The following DNMT3A variants were observed in gnomAD, a reference collection of about 807,000 sequenced individuals.
The protein encoded by DNMT3A is DNA (cytosine-5)-methyltransferase 3A.
A neutral mutation model predicts 117.6 loss-of-function variants in DNMT3A; 267 were observed. That is an observed-to-expected ratio of 2.27 (90% CI 2.05 to 2.51). DNMT3A has a LOEUF of 2.51. DNMT3A is among the 30% of genes most tolerant of loss of function. DNMT3A has a pLI of 0.00. For missense variants in DNMT3A, 1,029 were observed against 1,260.2 expected (o/e 0.82, Z 2.78); for synonymous variants, 432 against 474.8 (o/e 0.91, Z 1.17).
chr2:25,290,279 A>G (rs1242705488), intron 3 of DNMT3A, among the ~76,000 whole-genome samples: 1 of 150,892 alleles, frequency 6.6e-6, no homozygotes, highest in Non-Finnish European at 1.5e-5. Context: ...AGCTGGGACC[A>G]CTGGCATGTG....
At chr2:25,334,075 A>C (rs1004009479) in intron 1 of DNMT3A, among the ~76,000 whole-genome samples, 1 of 152,106 alleles carries the variant, frequency 6.6e-6, no homozygotes, top group Non-Finnish European at 1.5e-5. Flanking sequence ...GCCTTATTCC[A>C]GGGGCAGGGT....
chr2:25,318,192 T>C (rs1187693191), intron 1 of DNMT3A, among the ~76,000 whole-genome samples: 2 of 152,162 alleles, frequency 1.3e-5, no homozygotes, highest in East Asian at 1.9e-4. Context: ...AGTACCAAAA[T>C]GGGGTCAAAA....
Position 25,305,431 on chromosome 2 carries a change from A to G in DNMT3A, c.73-5188T>C, listed in dbSNP as rs2033734298. Among the ~76,000 whole-genome samples, 1 of 152,228 alleles carries G rather than the reference A, an allele frequency of 6.6e-6. No individual in the cohort carries two copies. Among genetic ancestry groups the G allele is most frequent in the African/African-American group, 2.4e-5 (1 of 41,442 alleles). ...TCTCATTCTGATGCGCTGGGCTATG[A>G]CGATAATAATCTCTCACATTTGCAC... On this transcript the variant is annotated intron_variant, in intron 2 of 22. Transcript: ENST00000321117. The surrounding 1 kb of genome is among the most constrained non-coding windows in gnomAD (Gnocchi z 4.1).
intron 3 of DNMT3A, among the ~76,000 whole-genome samples, chr2:25,290,644 T>A (rs2032686428): frequency 6.6e-6 from 1 of 152,148 alleles, no homozygotes; most frequent in Non-Finnish European, 1.5e-5. Context: ...TAAGTGTTGC[T>A]TTACTATAGT....
chr2:25,275,133 G>A (rs764132981), intron 5 of DNMT3A, 46 bp from the exon 6 acceptor site: 13 of 1,513,560 alleles, frequency 8.6e-6, no homozygotes, highest in African/African-American at 2.8e-5. Context: ...GGGCACTGAC[G>A]GACCCACCAA....
chr2:25,241,794 C>T, intron 16 of DNMT3A, 87 bp from the exon 17 acceptor site: 1 of 1,535,362 alleles, frequency 6.5e-7, no homozygotes, highest in Non-Finnish European at 8.8e-7. Flanking sequence ...GCCAACAGGA[C>T]CCATGGGGTC....
intron 15 of DNMT3A, 37 bp from the exon 16 acceptor site, chr2:25,244,019 G>C (rs2289093): frequency 3.9e-6 from 6 of 1,545,522 alleles, no homozygotes; most frequent in Non-Finnish European, 4.4e-6. Flanking sequence ...TGCAGGCCCA[G>C]CGGTGTCCCA....
At chr2:25,277,769 G>C (rs1232764193) in intron 4 of DNMT3A, among the ~76,000 whole-genome samples, 2 of 152,094 alleles carry the variant, frequency 1.3e-5, no homozygotes, top group Non-Finnish European at 2.9e-5. Flanking sequence ...CTGAGACCTG[G>C]GGGGTGGAGT....
chr2:25,321,060 G>A (rs902214108), intron 1 of DNMT3A, among the ~76,000 whole-genome samples: 1 of 152,024 alleles, frequency 6.6e-6, no homozygotes, highest in African/African-American at 2.4e-5. Flanking sequence ...TTGAACCTGG[G>A]AGGCGGAGGT....
chr2:25,329,659 C>G (rs1001374401), intron 1 of DNMT3A, among the ~76,000 whole-genome samples: 1 of 150,028 alleles, frequency 6.7e-6, no homozygotes. Flanking sequence ...GAGTCTCTCA[C>G]AGTCATGCAG....
chr2:25,245,601 T>C (rs146839318), intron 12 of DNMT3A, among the ~76,000 whole-genome samples: 1,554 of 152,310 alleles, frequency 0.01, 11 homozygotes, highest in Middle Eastern at 0.071. Context: ...GGTTCCAGGT[T>C]ACTCAGGAGG....
chr2:25,256,367 G>A (rs964808217), intron 6 of DNMT3A, among the ~76,000 whole-genome samples: 1 of 152,098 alleles, frequency 6.6e-6, no homozygotes, highest in Non-Finnish European at 1.5e-5. Flanking sequence ...TTCCTGGAAG[G>A]TTCCTCCCCT....
chr2:25,317,725 A>T (rs2149433728), intron 1 of DNMT3A, among the ~76,000 whole-genome samples: 1 of 152,240 alleles, frequency 6.6e-6, no homozygotes, highest in East Asian at 1.9e-4. Context: ...AACCAAGGAG[A>T]GGAAGGTTAT....
Position 25,282,255 on chromosome 2 carries a change from A to G in DNMT3A, c.448+186T>C, listed in dbSNP as rs559112942. On this transcript the variant is annotated intron_variant, in intron 4 of 22. Coordinates refer to ENST00000321117, the MANE Select transcript of DNMT3A (RefSeq NM_022552.5). This position sits in a 1 kb window ranked among gnomAD's most constrained non-coding sequence, Gnocchi z 5.2. ...ATTTTTTAAATGTTTAAAACACTCTATGGGCCAAATAAAACATATGCGCAG... is the reference window on the plus strand; with the variant it reads ...ATTTTTTAAATGTTTAAAACACTCTGTGGGCCAAATAAAACATATGCGCAG... 1.3e-5 allele frequency: 18 copies of G among 1,380,974 alleles called. No individual in the cohort carries two copies. The African/African-American group carries it at 1.9e-4, about 15-fold the overall frequency. 85.5% of individuals were successfully genotyped at this position (1,380,974 alleles called of 1,614,324 possible). A position where few individuals can be genotyped will look rare whatever the true frequency, so the allele number is the denominator to read the frequency against.
At chr2:25,321,939 T>C (rs1311997401) in intron 1 of DNMT3A, among the ~76,000 whole-genome samples, 2 of 152,154 alleles carry the variant, frequency 1.3e-5, no homozygotes, top group Non-Finnish European at 2.9e-5. Context: ...GTACTGTCAA[T>C]ATTTAAGGAG....
rs986809842 is a variant in DNMT3A, at chr2:25,281,117, G to A, written c.448+1324C>T. On this transcript the variant is annotated intron_variant, in intron 4 of 22. Transcript: ENST00000321117. The surrounding 1 kb of genome is among the most constrained non-coding windows in gnomAD (Gnocchi z 4.8). ...CTCCCCTCAGGCCCTTCCCACTCTC[G>A]GGAAGTATCAGAATATGTGCAAGAG... Among the ~76,000 whole-genome samples the A allele has an allele frequency of 7.9e-5, 12 of 152,056 alleles. No individual in the cohort carries two copies. The highest frequency in any genetic ancestry group is 2.9e-4 in the African/African-American group (12 of 41,386).
rs1676289253 is a variant in DNMT3A, at chr2:25,257,806, TC to T, written c.640-9555del. On this transcript the variant is annotated intron_variant, in intron 6 of 22. Transcript: ENST00000321117. The surrounding 1 kb of genome is among the most constrained non-coding windows in gnomAD (Gnocchi z 4.8). ...TGGGGCCCAGGAATCTATTAAAACC[TC>T]CCTGGGTAATTCTAATACTAGCCAG... is the stretch of plus-strand genomic sequence containing the variant. Among the ~76,000 whole-genome samples, 1 of 152,136 alleles carries T rather than the reference TC, an allele frequency of 6.6e-6. No individual in the cohort carries two copies. The highest frequency in any genetic ancestry group is 2.4e-5 in the African/African-American group (1 of 41,410).
At chr2:25,280,197 T>A (rs1018660690) in intron 4 of DNMT3A, among the ~76,000 whole-genome samples, 1 of 152,072 alleles carries the variant, frequency 6.6e-6, no homozygotes, top group Non-Finnish European at 1.5e-5. Flanking sequence ...CCCTCCGATG[T>A]CATCCTGCTT....
chr2:25,249,591 T>C (rs1371469792), intron 6 of DNMT3A: 1 of 1,584,248 alleles, frequency 6.3e-7, no homozygotes, highest in Non-Finnish European at 8.7e-7. Flanking sequence ...CTCTCTGCCA[T>C]CCCACCAACA....
Sources: allele counts gnomAD v4.1 joint callset (sites outside exome capture counted in the v4.1 genomes callset), GRCh38; gene constraint gnomAD v4.1.1; non-coding constraint Gnocchi (gnomAD v3.1); transcripts MANE v1.5; gene names NCBI Gene and HGNC (gene_info 2026-07-23, HGNC 2026-07-21).